Variants in PKN2 observed in about 807,000 individuals in gnomAD.
PKN2 encodes the protein serine/threonine-protein kinase N2.
In PKN2, 38 loss-of-function variants were observed where a neutral mutation model predicts 119.1. The observed-to-expected ratio is 0.32, with a 90% confidence interval of 0.25 to 0.42. The LOEUF (loss-of-function observed/expected upper bound fraction) is 0.42, where lower values mean the gene tolerates loss of function less well. Among genes scored for constraint, PKN2 ranks in the 10% least tolerant of loss-of-function variants. The pLI is 1.00. For missense variants in PKN2, 850 were observed against 1,165.1 expected, an observed-to-expected ratio of 0.73 and a Z score of 3.94; for synonymous variants, 390 against 384.9, an observed-to-expected ratio of 1.01 and a Z score of -0.15.
chr1:88,720,390 T>A (rs1456320228), intron 1 of PKN2, among the ~76,000 whole-genome samples: 1 of 152,186 alleles, frequency 6.6e-6, no homozygotes, highest in African/African-American at 2.4e-5. Flanking sequence ...TAGATTTCTG[T>A]TGCACTGAGT....
intron 18 of PKN2, among the ~76,000 whole-genome samples, chr1:88,827,878 C>G (rs1331819552): frequency 6.6e-6 from 1 of 151,796 alleles, no homozygotes; most frequent in African/African-American, 2.4e-5. Context: ...AGCCACCATG[C>G]CCGGCTAATT....
chr1:88,737,512 TC>T (rs941546383), intron 1 of PKN2, among the ~76,000 whole-genome samples: 3 of 152,166 alleles, frequency 2.0e-5, no homozygotes, highest in African/African-American at 7.2e-5. Context: ...AATAATGGGG[TC>T]CCAGTCCTGC....
chr1:88,724,888 T>G (rs1667837518), intron 1 of PKN2, among the ~76,000 whole-genome samples: 3 of 145,786 alleles, frequency 2.1e-5, no homozygotes, highest in Admixed American at 1.4e-4. Context: ...CTTGGTTTTT[T>G]TTTTTTTTTT....
chr1:88,807,510 T>C lies in PKN2; in HGVS notation c.1935-19T>C. ...CCATACTTTATTGTCTTATTATTAA[T>C]TGAAATTTCTCTTTTCAGATCTCAG... is the stretch of plus-strand genomic sequence containing the variant. On this transcript the variant is annotated intron_variant, in intron 13 of 21. Transcript: ENST00000370521. The C allele has an allele frequency of 1.2e-6, 2 of 1,604,708 alleles. No homozygotes were observed. The highest frequency in any genetic ancestry group is 1.7e-5 in the Admixed American group (1 of 58,484).
chr1:88,771,785 A>G lies in PKN2; in HGVS notation c.891A>G (p.Ser297=), dbSNP rs758463663. ...PKSRIIIEEL[S]LVAASPTLSP... ...GCAGGATTATTATTGAAGAACTTTC[A>G]CTTGTTGCTGCATCACCAACACTAA... Residue 297 remains serine (S), a synonymous_variant, in exon 6 of 22, where the codon TCA becomes TCG. Transcript: ENST00000370521. The G allele has an allele frequency of 1.2e-4, 188 of 1,613,838 alleles. No homozygotes were observed. The highest frequency in any genetic ancestry group is 1.6e-4 in the Non-Finnish European group (184 of 1,179,920).
chr1:88,684,594 C>G lies in PKN2; in HGVS notation c.14C>G (p.Pro5Arg). Residue 5 changes from proline (P) to arginine (R), a missense_variant, in exon 1 of 22, where the codon CCC (proline) becomes CGC (arginine). Pro to Arg is a moderately radical substitution (Grantham distance 103, BLOSUM62 -2). Around this residue, in one of 9 missense-constraint regions of PKN2, gnomAD observed 73 missense variants for 61.2 expected, o/e 1.19. Coordinates refer to ENST00000370521, the MANE Select transcript of PKN2 (RefSeq NM_006256.4). ...TACCGGAGCGCAATGGCGTCCAACC[C>G]CGAACGGGGGGAGATTCTGCTCACG... MASNPERGEILLTEL... is the reference protein window; with the variant it reads MASNRERGEILLTEL... 6.4e-7 allele frequency: 1 copy of G among 1,561,864 alleles called. No homozygotes were observed. Among genetic ancestry groups the G allele is most frequent in the East Asian group, 2.5e-5 (1 of 40,290 alleles).
intron 1 of PKN2, among the ~76,000 whole-genome samples, chr1:88,687,708 A>G (rs928208629): frequency 6.6e-6 from 1 of 152,196 alleles, no homozygotes; most frequent in Non-Finnish European, 1.5e-5. Flanking sequence ...TAACTTGCTC[A>G]AGTGGAAAGT....
At chr1:88,830,485 GT>G (rs905846204) in intron 19 of PKN2, among the ~76,000 whole-genome samples, 50 of 152,100 alleles carry the variant, frequency 3.3e-4, no homozygotes, top group African/African-American at 1.0e-3. Context: ...ATTTTGGAGG[GT>G]TTTTTTGGTT....
intron 12 of PKN2, chr1:88,806,311 A>G (rs1250763054): frequency 3.6e-5 from 12 of 332,894 alleles, no homozygotes; most frequent in Non-Finnish European, 5.1e-5. Flanking sequence ...CTGGGGTTAC[A>G]GGCACATGCC....
At position 88,704,841 on chromosome 1, in the gene PKN2, GTTAATAGTTTTAA is replaced by G. The variant is rs140400347; in HGVS notation, c.48+20216_48+20228del. On this transcript the variant is annotated intron_variant, in intron 1 of 21. Transcript: ENST00000370521. ...TACATTCTTACCAATACTTGGTACA[GTTAATAGTTTTAA>G]TTTTAGCTATTCTAGTAGATTTATA... Among the ~76,000 whole-genome samples, 586 of 150,126 alleles carry G rather than the reference GTTAATAGTTTTAA, an allele frequency of 3.9e-3. 6 individuals are homozygous for G. Among genetic ancestry groups the G allele is most frequent in the African/African-American group, 0.014 (556 of 40,950 alleles).
chr1:88,698,648 A>AT (rs1666639597), intron 1 of PKN2, among the ~76,000 whole-genome samples: 1 of 152,222 alleles, frequency 6.6e-6, no homozygotes, highest in Non-Finnish European at 1.5e-5. Context: ...AATGTATAAA[A>AT]TTAGAAGTAA....
At chr1:88,768,391 T>A (rs1243388016) in intron 3 of PKN2, among the ~76,000 whole-genome samples, 1 of 152,218 alleles carries the variant, frequency 6.6e-6, no homozygotes, top group Non-Finnish European at 1.5e-5. Context: ...TGCTGGAGGC[T>A]ACTCACACTT....
chr1:88,761,227 G>A (rs763018144), intron 3 of PKN2, among the ~76,000 whole-genome samples: 14 of 152,096 alleles, frequency 9.2e-5, no homozygotes, highest in Middle Eastern at 3.4e-3. Flanking sequence ...TTCAGCCTAA[G>A]GTTCTATAGT....
intron 2 of PKN2, among the ~76,000 whole-genome samples, chr1:88,742,259 TAATTTTAA>T (rs1417967747): frequency 6.6e-6 from 1 of 152,164 alleles, no homozygotes; most frequent in Non-Finnish European, 1.5e-5. Flanking sequence ...TAGATGTAAG[TAATTTTAA>T]TTTTGATTAA....
chr1:88,826,796 C>G (rs1436184498), intron 18 of PKN2, among the ~76,000 whole-genome samples: 1 of 152,126 alleles, frequency 6.6e-6, no homozygotes, highest in Non-Finnish European at 1.5e-5. Context: ...TTTTACCAGT[C>G]TACAAGAAAC....
chr1:88,716,003 A>G (rs1667434384), intron 1 of PKN2, among the ~76,000 whole-genome samples: 1 of 152,094 alleles, frequency 6.6e-6, no homozygotes, highest in South Asian at 2.1e-4. Flanking sequence ...CTTTGTTCTC[A>G]TTGGTTTCAA....
intron 2 of PKN2, among the ~76,000 whole-genome samples, chr1:88,744,834 T>G (rs1668711113): frequency 6.6e-6 from 1 of 152,226 alleles, no homozygotes; most frequent in Non-Finnish European, 1.5e-5. Flanking sequence ...CTCTGAAATA[T>G]TCCTTATTGT....
At chr1:88,829,002 T>C in intron 19 of PKN2, 1 of 641,234 alleles carries the variant, frequency 1.6e-6, no homozygotes, top group Non-Finnish European at 3.0e-6. Context: ...ACCTTCGACT[T>C]CCTCCAGACT....
intron 15 of PKN2, among the ~76,000 whole-genome samples, chr1:88,810,962 G>A (rs564067129): frequency 6.6e-6 from 1 of 152,204 alleles, no homozygotes; most frequent in African/African-American, 2.4e-5. Flanking sequence ...TCTATAGTCT[G>A]TATTATATTA....
Sources: allele counts gnomAD v4.1 joint callset (sites outside exome capture counted in the v4.1 genomes callset), GRCh38; gene constraint gnomAD v4.1.1; regional missense constraint gnomAD v4.1.1; transcripts MANE v1.5; gene names NCBI Gene and HGNC (gene_info 2026-07-23, HGNC 2026-07-21).